FA2H: variants seen among roughly 807,000 people sequenced by gnomAD.
FA2H encodes the protein fatty acid alpha-hydroxylase.
Under a neutral mutation model 44.9 loss-of-function variants are expected in FA2H, and 22 were observed. The observed-to-expected ratio is 0.49, with a 90% CI of 0.35 to 0.70. The LOEUF (loss-of-function observed/expected upper bound fraction) is 0.70, where lower values mean the gene tolerates loss of function less well. Ranked by LOEUF, FA2H falls within the 30% of genes least tolerant of loss-of-function variation. The pLI is 0.01. For missense variants in FA2H, 501 were observed against 504.9 expected, an observed-to-expected ratio of 0.99 and a Z score of 0.07; for synonymous variants, 243 against 213.2, an observed-to-expected ratio of 1.14 and a Z score of -1.22.
chr16:74,773,385 T>C (rs1222393126), intron 1 of FA2H, among the ~76,000 whole-genome samples: 2 of 152,212 alleles, frequency 1.3e-5, no homozygotes, highest in Non-Finnish European at 2.9e-5. Flanking sequence ...ATAGCATATA[T>C]AGGATTCGGT....
intron 1 of FA2H, among the ~76,000 whole-genome samples, chr16:74,749,864 G>A (rs552813661): frequency 2.6e-5 from 4 of 152,262 alleles, no homozygotes; most frequent in African/African-American, 7.2e-5. Flanking sequence ...AGGGAGACAC[G>A]TGGGTTTTTC....
intron 4 of FA2H, among the ~76,000 whole-genome samples, chr16:74,725,597 T>C (rs922171470): frequency 6.6e-6 from 1 of 152,180 alleles, no homozygotes; most frequent in African/African-American, 2.4e-5. Context: ...TGAGGCTCCA[T>C]TTCCTCAGCT....
At chr16:74,723,447 C>G (rs1961882966) in intron 4 of FA2H, among the ~76,000 whole-genome samples, 1 of 152,206 alleles carries the variant, frequency 6.6e-6, no homozygotes, top group South Asian at 2.1e-4. Flanking sequence ...GGTGGCCACG[C>G]CCTACTGGAC....
intron 2 of FA2H, among the ~76,000 whole-genome samples, chr16:74,737,204 C>T (rs1333725180): frequency 5.9e-5 from 9 of 152,040 alleles, no homozygotes; most frequent in Admixed American, 2.0e-4. Flanking sequence ...AAGGACATGG[C>T]GAAGTGGCAA....
chr16:74,762,366 A>G (rs543805823), intron 1 of FA2H, among the ~76,000 whole-genome samples: 3 of 151,984 alleles, frequency 2.0e-5, no homozygotes, highest in Non-Finnish European at 4.4e-5. Flanking sequence ...TGGAAAAACC[A>G]CACATGTGCA....
intron 1 of FA2H, among the ~76,000 whole-genome samples, chr16:74,741,804 A>ATGTGTGTGTGTG (rs1289445691): frequency 1.7e-5 from 1 of 57,824 alleles, no homozygotes. Flanking sequence ...ATATATATAT[A>ATGTGTGTGTGTG]TATATGTGTG....
chr16:74,718,311 G>A (rs913431990), intron 5 of FA2H, among the ~76,000 whole-genome samples: 1 of 152,244 alleles, frequency 6.6e-6, no homozygotes, highest in South Asian at 2.1e-4. Flanking sequence ...GAGACGGGCT[G>A]GGGAACAGCC....
intron 4 of FA2H, among the ~76,000 whole-genome samples, chr16:74,721,893 T>A (rs1395844482): frequency 6.6e-6 from 1 of 152,214 alleles, no homozygotes; most frequent in Non-Finnish European, 1.5e-5. Context: ...GGGCGCTGGA[T>A]GATCAGAGCA....
chr16:74,744,556 A>G lies in FA2H; in HGVS notation c.271-4441T>C, dbSNP rs760962282. Among the ~76,000 whole-genome samples, 65 of 151,294 alleles carry G rather than the reference A, an allele frequency of 4.3e-4. 1 individual carries two copies. The highest frequency in any genetic ancestry group is 1.8e-3 in the Admixed American group (28 of 15,200). On this transcript the variant is annotated intron_variant, in intron 1 of 6. Transcript: ENST00000219368. ...AGCCTCAACCTCCTGGGCTCAAGCA[A>G]TCCTCACACCTCAGCCTCCCAAGTA... is the stretch of plus-strand genomic sequence containing the variant.
intron 4 of FA2H, among the ~76,000 whole-genome samples, chr16:74,723,639 G>T (rs1961886736): frequency 6.6e-6 from 1 of 152,192 alleles, no homozygotes; most frequent in South Asian, 2.1e-4. Flanking sequence ...AGTCTTAGCT[G>T]GGCTGGTCTG....
At chr16:74,741,773 A>AATATATATATATATATATAT (rs57773726) in intron 1 of FA2H, among the ~76,000 whole-genome samples, 8 of 48,046 alleles carry the variant, frequency 1.7e-4, no homozygotes, top group Admixed American at 2.3e-4. Context: ...CACCTGATTA[A>AATATATATATATATATATAT]ATATATATAT....
chr16:74,739,792 C>A (rs1962255676), intron 2 of FA2H, among the ~76,000 whole-genome samples: 1 of 152,170 alleles, frequency 6.6e-6, no homozygotes, highest in South Asian at 2.1e-4. Flanking sequence ...GTTCCATGCT[C>A]AGAACTTGTC....
intron 1 of FA2H, among the ~76,000 whole-genome samples, chr16:74,761,035 T>C (rs757703235): frequency 6.6e-6 from 1 of 152,116 alleles, no homozygotes. Flanking sequence ...TGGGATGACC[T>C]GGGCAGCAAA....
chr16:74,774,788 G>A lies in FA2H; in HGVS notation c.-33C>T, dbSNP rs569711094. ...GACCGCAGCTCCCAGCGCGCAGCCC[G>A]GCGTCTGCTCTGCTGCCACCCTGAG... On this transcript the variant is annotated 5_prime_UTR_variant, in exon 1 of 7. Transcript: ENST00000219368. The A allele has an allele frequency of 3.9e-5, 50 of 1,276,702 alleles. No individual in the cohort carries two copies. The African/African-American group carries it at 6.5e-4, about 17-fold the overall frequency. The allele number at this position is 1,276,702 out of a possible 1,614,324, so 79.1% of individuals were successfully genotyped here.
chr16:74,741,340 T>A (rs938699204), intron 1 of FA2H: 1 of 152,242 alleles, frequency 6.6e-6, no homozygotes, highest in African/African-American at 2.4e-5. Context: ...GAGAACCTGA[T>A]GGTGACAGTG....
intron 1 of FA2H, among the ~76,000 whole-genome samples, chr16:74,751,463 G>A (rs944570981): frequency 2.6e-5 from 4 of 152,016 alleles, no homozygotes; most frequent in South Asian, 2.1e-4. Context: ...AACTGGTGAC[G>A]CCTGGTGGGT....
intron 2 of FA2H, among the ~76,000 whole-genome samples, chr16:74,734,085 G>A (rs13329747): frequency 0.085 from 12,884 of 152,220 alleles, 585 homozygotes; most frequent in East Asian, 0.16. Context: ...CTCGTTCCTG[G>A]TCCGGGCCCC....
intron 2 of FA2H, among the ~76,000 whole-genome samples, chr16:74,727,957 G>C (rs1425217500): frequency 6.6e-6 from 1 of 152,088 alleles, no homozygotes; most frequent in Non-Finnish European, 1.5e-5. Context: ...TTATTTCTAT[G>C]CTAGGTGCTG....
intron 4 of FA2H, among the ~76,000 whole-genome samples, chr16:74,725,117 G>T (rs1216555553): frequency 2.0e-5 from 3 of 152,246 alleles, no homozygotes; most frequent in African/African-American, 7.2e-5. Context: ...CTCGAGGGAT[G>T]CCTGCAGTAA....
Sources: gnomAD v4.1 joint callset for allele counts (sites outside exome capture counted in the v4.1 genomes callset) on GRCh38, gnomAD v4.1.1 for gene constraint, MANE v1.5 for transcripts, NCBI Gene and HGNC (gene_info 2026-07-23, HGNC 2026-07-21) for gene names.